TGM5: variants seen among roughly 807,000 people sequenced by gnomAD.
TGM5 encodes the protein protein-glutamine gamma-glutamyltransferase 5.
TGM5 carries 69 observed loss-of-function variants against 77.2 expected under a neutral mutation model. That is an observed-to-expected ratio of 0.89 (90% CI 0.74 to 1.09). The LOEUF is 1.09. Among genes scored for constraint, TGM5 ranks in the 50% least tolerant of loss-of-function variants. TGM5 has a pLI of 0.00. For synonymous variants in TGM5, 346 were observed against 351.8 expected, an observed-to-expected ratio of 0.98 and a Z score of 0.18; for missense variants, 842 against 896.5, an observed-to-expected ratio of 0.94 and a Z score of 0.78.
chr15:43,248,639 C>A (rs529139794), intron 6 of TGM5, among the ~76,000 whole-genome samples: 11 of 152,256 alleles, frequency 7.2e-5, no homozygotes, highest in African/African-American at 2.6e-4. Flanking sequence ...GGGAACATTC[C>A]GTACTATCTT....
At chr15:43,259,990 C>T in intron 3 of TGM5, 62 bp downstream of exon 3, 4 of 1,610,568 alleles carry the variant, frequency 2.5e-6, no homozygotes, top group Non-Finnish European at 3.4e-6. Flanking sequence ...ACCCTTGAGC[C>T]TGTCTCTCTG....
chr15:43,261,070 G>T (rs750757758), intron 1 of TGM5, among the ~76,000 whole-genome samples: 14,351 of 37,708 alleles, frequency 0.38, 3,064 homozygotes, highest in African/African-American at 0.67. Flanking sequence ...CTTTTTTTGT[G>T]TGTGTGTTTT....
chr15:43,260,356 C>T, intron 2 of TGM5, 44 bp downstream of exon 2: 3 of 1,614,194 alleles, frequency 1.9e-6, no homozygotes, highest in Non-Finnish European at 2.5e-6. Flanking sequence ...CGAAAATCCC[C>T]TCCCAGACAC....
chr15:43,249,095 A>G (rs1468685743), intron 6 of TGM5, among the ~76,000 whole-genome samples: 1 of 151,832 alleles, frequency 6.6e-6, no homozygotes, highest in Non-Finnish European at 1.5e-5. Context: ...CTTGGACCTT[A>G]TTTTACAGAA....
intron 1 of TGM5, among the ~76,000 whole-genome samples, chr15:43,264,678 G>A (rs1173292260): frequency 6.6e-6 from 1 of 152,150 alleles, no homozygotes; most frequent in African/African-American, 2.4e-5. Context: ...GAAATGTTCT[G>A]AAACTAGATA....
At chr15:43,262,653 TG>T (rs908711302) in intron 1 of TGM5, among the ~76,000 whole-genome samples, 3 of 152,088 alleles carry the variant, frequency 2.0e-5, no homozygotes, top group Admixed American at 6.5e-5. Flanking sequence ...GGCGTGGTGG[TG>T]GGCCCCTGTA....
Position 43,240,943 on chromosome 15 carries a change from A to G in TGM5, c.910T>C (p.Ser304Pro), listed in dbSNP as rs1384368683. Residue 304 changes from serine to proline, a missense_variant, in exon 7 of 13, where the codon TCT becomes CCT. Ser to Pro is a moderately conservative substitution (Grantham distance 74). Around this residue, in one of 2 missense-constraint regions of TGM5, gnomAD observed 815 missense variants for 844.6 expected, o/e 0.96. Transcript: ENST00000220420. The part of the protein sequence containing the change: ...IPTRVITNFD[S>P]GHDTDGNLII... ...AGGTTTCCATCTGTATCGTGGCCAG[A>G]GTCGAAGTTGGTGATCACACGGGTA... 1.2e-6 allele frequency: 2 copies of G among 1,614,068 alleles called. No individual in the cohort carries two copies. The highest frequency in any genetic ancestry group is 2.7e-5 in the African/African-American group (2 of 74,920).
At chr15:43,263,736 TTG>T (rs1223132340) in intron 1 of TGM5, among the ~76,000 whole-genome samples, 1 of 152,206 alleles carries the variant, frequency 6.6e-6, no homozygotes, top group African/African-American at 2.4e-5. Context: ...AGGTAAGTCT[TTG>T]TGATCTTAGA....
chr15:43,235,147 G>T (rs773111888), intron 10 of TGM5, among the ~76,000 whole-genome samples: 4 of 152,154 alleles, frequency 2.6e-5, no homozygotes, highest in African/African-American at 9.7e-5. Context: ...AGGCTCCAAC[G>T]AAGGTCTCAG....
chr15:43,238,617 G>GC (rs1359391326), intron 9 of TGM5, among the ~76,000 whole-genome samples, 200 bp downstream of exon 9: 1 of 152,198 alleles, frequency 6.6e-6, no homozygotes, highest in Non-Finnish European at 1.5e-5. Flanking sequence ...TGTGGCGGGA[G>GC]CTCGCTGGCC....
intron 3 of TGM5, among the ~76,000 whole-genome samples, chr15:43,259,045 G>A (rs2042765268): frequency 6.6e-6 from 1 of 152,160 alleles, no homozygotes; most frequent in Non-Finnish European, 1.5e-5. Context: ...TGACCCAGGA[G>A]GCCCCCTTGG....
intron 3 of TGM5, among the ~76,000 whole-genome samples, chr15:43,258,147 G>A (rs1041151478): frequency 6.6e-6 from 1 of 151,716 alleles, no homozygotes; most frequent in African/African-American, 2.4e-5. Flanking sequence ...GTTAATGGGT[G>A]CAGCACACCA....
At chr15:43,256,431 TG>T in intron 4 of TGM5, 136 bp downstream of exon 4, 1 of 780,326 alleles carries the variant, frequency 1.3e-6, no homozygotes, top group Non-Finnish European at 2.3e-6. Context: ...TCGGGCAACC[TG>T]GGCTCACAAC....
intron 2 of TGM5, 26 bp from the exon 3 acceptor site, chr15:43,260,323 C>G: frequency 6.2e-7 from 1 of 1,614,148 alleles, no homozygotes. Flanking sequence ...AGCTGAGGCC[C>G]TCCATGGCGA....
chr15:43,243,379 C>T (rs1418770150), intron 6 of TGM5, among the ~76,000 whole-genome samples: 2 of 152,172 alleles, frequency 1.3e-5, no homozygotes, highest in Non-Finnish European at 2.9e-5. Context: ...GCTTTGGGTA[C>T]CAAGCTCAAC....
At chr15:43,239,515 C>CAA (rs113369172) in intron 7 of TGM5, 340 of 406,638 alleles carry the variant, frequency 8.4e-4, no homozygotes, top group East Asian at 1.4e-3. Context: ...GATCTCGTCT[C>CAA]AAAAAAAAAA....
intron 9 of TGM5, among the ~76,000 whole-genome samples, chr15:43,238,045 G>C (rs1457595039): frequency 6.6e-6 from 1 of 152,170 alleles, no homozygotes; most frequent in Non-Finnish European, 1.5e-5. Flanking sequence ...CCCAGGTGGG[G>C]AATTCTGGAG....
chr15:43,243,994 A>G (rs2042655486), intron 6 of TGM5, among the ~76,000 whole-genome samples: 1 of 152,178 alleles, frequency 6.6e-6, no homozygotes, highest in Admixed American at 6.5e-5. Context: ...ACATAAACCC[A>G]TGTCTCTCTG....
chr15:43,234,886 C>T lies in TGM5; in HGVS notation c.1758G>A (p.Gln586=), dbSNP rs1336190393. Residue 586 remains glutamine, a synonymous_variant, in exon 11 of 13, where the codon CAG becomes CAA. Coordinates refer to ENST00000220420, the MANE Select transcript of TGM5 (RefSeq NM_201631.4). ...PCKISYSQYS[Q]YLSTDKLIRI... ...GGATCAGCTTGTCTGTTGACAGGTA[C>T]TGGCTGTACTGGGAATAGGAGATTT... 6.2e-6 allele frequency: 10 copies of T among 1,614,054 alleles called. No individual in the cohort carries two copies. The highest frequency in any genetic ancestry group is 1.3e-5 in the African/African-American group (1 of 74,932).
Sources: gnomAD v4.1 joint callset for allele counts (sites outside exome capture counted in the v4.1 genomes callset) on GRCh38, gnomAD v4.1.1 for gene constraint, gnomAD v4.1.1 regional missense constraint, MANE v1.5 for transcripts, NCBI Gene and HGNC (gene_info 2026-07-23, HGNC 2026-07-21) for gene names.